Variants in UPF2 observed in about 807,000 individuals in gnomAD.
UPF2 encodes the protein regulator of nonsense transcripts 2.
Under a neutral mutation model 141.4 loss-of-function variants are expected in UPF2, and 17 were observed. The ratio of observed to expected loss-of-function variants is 0.12; its 90% CI spans 0.08 to 0.18. UPF2 has a LOEUF of 0.18. Ranked by LOEUF, UPF2 falls within the 10% of genes least tolerant of loss-of-function variation. UPF2 has a pLI of 1.00. For synonymous variants in UPF2, 540 were observed against 498.0 expected (o/e 1.08, Z -1.12); for missense variants, 1,152 against 1,515.9 (o/e 0.76, Z 3.99).
In UPF2 at chr10:12,029,463, C is replaced by T; in HGVS notation, c.427G>A (p.Glu143Lys). The T allele has an allele frequency of 6.2e-7, 1 of 1,612,220 alleles. No homozygotes were observed. The highest frequency in any genetic ancestry group is 8.5e-7 in the Non-Finnish European group (1 of 1,179,660). ...GCATTTTGGTTTTTGCTACGAAGTT[C>T]CTTTCTTAAATGATGTCGTTCCCAA... ...EAWERHHLRK[E>K]LRSKNQNAPD... The change falls in exon 3 of 22, where the codon GAA becomes AAA. Residue 143 changes from glutamate to lysine, a missense_variant. Physicochemically the swap from Glu to Lys is moderately conservative, Grantham distance 56 (BLOSUM62 1). This residue lies in a region of UPF2 where 739 missense variants were observed against 1,032.2 expected (regional missense o/e 0.72). Transcript: ENST00000357604.
chr10:12,003,658 G>A (rs1833988391), intron 5 of UPF2, among the ~76,000 whole-genome samples: 1 of 152,172 alleles, frequency 6.6e-6, no homozygotes, highest in Admixed American at 6.5e-5. Context: ...GAGCGCGGTG[G>A]CTCACGCCTG....
chr10:12,038,031 T>G (rs181072805), intron 1 of UPF2, among the ~76,000 whole-genome samples: 1 of 152,278 alleles, frequency 6.6e-6, no homozygotes, highest in African/African-American at 2.4e-5. Context: ...TAGCTGTAGT[T>G]AACCCCACTG....
At chr10:11,942,884 T>C in intron 17 of UPF2, 121 bp from the exon 18 acceptor site, 1 of 927,746 alleles carries the variant, frequency 1.1e-6, no homozygotes. Context: ...GAGTAAAATA[T>C]CTAACATTAT....
intron 3 of UPF2, among the ~76,000 whole-genome samples, chr10:12,017,021 GA>G (rs11329571): frequency 0.15 from 16,911 of 116,100 alleles, 1,054 homozygotes; most frequent in African/African-American, 0.21. Context: ...CTCCATCTCG[GA>G]AAAAAAAAAA....
In UPF2 at chr10:11,998,428, G is replaced by A. The variant is rs1833898579; in HGVS notation, c.1759-671C>T. Among the ~76,000 whole-genome samples the A allele has an allele frequency of 6.6e-6, 1 of 152,120 alleles. No homozygotes were observed. The highest frequency in any genetic ancestry group is 2.1e-4 in the South Asian group (1 of 4,830). ...GACAAGGTCTCACTCTGTCACCCAGGCTGGGGTGCAGTGGCACAATCATGG... is the reference window on the plus strand; with the variant it reads ...GACAAGGTCTCACTCTGTCACCCAGACTGGGGTGCAGTGGCACAATCATGG... On this transcript the variant is annotated intron_variant, in intron 7 of 21. Coordinates refer to ENST00000357604, the MANE Select transcript of UPF2 (RefSeq NM_015542.4). This position sits in a 1 kb window ranked among gnomAD's most constrained non-coding sequence, Gnocchi z 4.5.
intron 11 of UPF2, 49 bp downstream of exon 11, chr10:11,963,960 C>A (rs753363281): frequency 7.5e-7 from 1 of 1,338,094 alleles, no homozygotes. Flanking sequence ...CTCTGAAGCA[C>A]AGGTAAATCA....
chr10:11,979,192 CAAAGGAAAG>C lies in UPF2; in HGVS notation c.1845-36_1845-28del. ...TGCAAAAGTTATATGTGATATGTGT[CAAAGGAAAG>C]ACATATCAAAAATAATTCATTTTAA... On this transcript the variant is annotated intron_variant, in intron 8 of 21. Coordinates refer to ENST00000357604, the MANE Select transcript of UPF2 (RefSeq NM_015542.4). This position sits in a 1 kb window ranked among gnomAD's most constrained non-coding sequence, Gnocchi z 6.2. The C allele has an allele frequency of 6.6e-7, 1 of 1,517,610 alleles. No individual in the cohort carries two copies. The highest frequency in any genetic ancestry group is 1.4e-5 in the African/African-American group (1 of 72,788). 94.0% of individuals were successfully genotyped at this position (1,517,610 alleles called of 1,614,324 possible).
intron 4 of UPF2, among the ~76,000 whole-genome samples, chr10:12,007,052 A>T (rs1564364067): frequency 6.6e-6 from 1 of 152,216 alleles, no homozygotes; most frequent in Admixed American, 6.5e-5. Flanking sequence ...TCTGTTGTTC[A>T]TAAGTTGCCC....
At chr10:12,026,621 C>T (rs1474620902) in intron 3 of UPF2, 1 of 452,090 alleles carries the variant, frequency 2.2e-6, no homozygotes, top group Non-Finnish European at 4.4e-6. Context: ...GTAAGAATAC[C>T]ATGACCACTG....
At chr10:11,971,272 TTG>T (rs1482922754) in intron 9 of UPF2, among the ~76,000 whole-genome samples, 56 of 149,386 alleles carry the variant, frequency 3.7e-4, no homozygotes, top group Non-Finnish European at 6.5e-4. Flanking sequence ...TTTTTTTTTT[TTG>T]AGACAGTTTT....
chr10:11,953,939 T>A lies in UPF2; in HGVS notation c.2850+1293A>T, dbSNP rs1833109461. ...GATACTTCAAGTTACATTAAACTTA[T>A]TTTCTTCATAATGGGTAAATGAAAA... On this transcript the variant is annotated intron_variant, in intron 14 of 21. Coordinates refer to ENST00000357604, the MANE Select transcript of UPF2 (RefSeq NM_015542.4). This position sits in a 1 kb window ranked among gnomAD's most constrained non-coding sequence, Gnocchi z 5.0. Among the ~76,000 whole-genome samples the A allele has an allele frequency of 6.6e-6, 1 of 152,216 alleles. No individual in the cohort carries two copies. The highest frequency in any genetic ancestry group is 2.4e-5 in the African/African-American group (1 of 41,454).
At chr10:12,012,796 CA>C (rs753104549) in intron 4 of UPF2, among the ~76,000 whole-genome samples, 1,858 of 63,594 alleles carry the variant, frequency 0.029, 25 homozygotes, top group African/African-American at 0.082. Flanking sequence ...AAGACTCCGC[CA>C]AAAAAAAAAA....
At chr10:11,999,870 A>G (rs1290868573) in intron 7 of UPF2, 36 bp downstream of exon 7, 1 of 1,543,656 alleles carries the variant, frequency 6.5e-7, no homozygotes, top group East Asian at 2.2e-5. Flanking sequence ...TACAAGGTCC[A>G]TGTGCTTGAA....
chr10:11,938,869 T>TTTTTTTG (rs1832897888), intron 18 of UPF2, among the ~76,000 whole-genome samples: 2 of 104,748 alleles, frequency 1.9e-5, no homozygotes, highest in African/African-American at 3.4e-5. Flanking sequence ...TTTTTTTTTT[T>TTTTTTTG]TTTTTTTTTT....
chr10:12,035,549 G>A (rs1834610550), intron 1 of UPF2, 108 bp from the exon 2 acceptor site: 2 of 1,235,126 alleles, frequency 1.6e-6, no homozygotes, highest in Non-Finnish European at 2.1e-6. Flanking sequence ...AATTGTAAAA[G>A]AGTAAATAAA....
intron 8 of UPF2, among the ~76,000 whole-genome samples, chr10:11,981,347 A>G (rs1833590265): frequency 6.6e-6 from 1 of 152,120 alleles, no homozygotes. Flanking sequence ...TACATATATA[A>G]CTCAACTTGT....
Position 12,030,539 on chromosome 10 carries a change from C to CAAA in UPF2, c.366-1018_366-1016dup, listed in dbSNP as rs1393707547. On this transcript the variant is annotated intron_variant, in intron 2 of 21. Coordinates refer to ENST00000357604, the MANE Select transcript of UPF2 (RefSeq NM_015542.4). ...TGGGCAACAGAGCGAGACTCTGCCT[C>CAAA]AAAAAATAATAATAATAATAATAAT... 4.8e-5 allele frequency among the ~76,000 whole-genome samples: 6 copies of CAAA among 124,762 alleles called. No homozygotes were observed. In the East Asian group the frequency reaches 7.3e-4, roughly 15 times the overall value. The allele number at this position is 124,762 out of a possible 152,430, so 81.8% of individuals were successfully genotyped here.
At chr10:11,922,191 T>C (rs1034278399) in intron 21 of UPF2, among the ~76,000 whole-genome samples, 7 of 152,296 alleles carry the variant, frequency 4.6e-5, no homozygotes, top group Middle Eastern at 3.4e-3. Context: ...CCAGCCCCGC[T>C]GACTCCCTGA....
chr10:11,966,458 CTT>C (rs1473215715), intron 10 of UPF2, among the ~76,000 whole-genome samples: 3 of 152,130 alleles, frequency 2.0e-5, no homozygotes, highest in South Asian at 2.1e-4. Context: ...GACTTTCACT[CTT>C]GTTACCCAGA....
Sources: allele counts gnomAD v4.1 joint callset (sites outside exome capture counted in the v4.1 genomes callset), GRCh38; gene constraint gnomAD v4.1.1; regional missense constraint gnomAD v4.1.1; non-coding constraint Gnocchi (gnomAD v3.1); transcripts MANE v1.5; gene names NCBI Gene and HGNC (gene_info 2026-07-23, HGNC 2026-07-21).